The following MEGF11 variants were observed in gnomAD, a reference collection of about 807,000 sequenced individuals.
MEGF11 encodes multiple epidermal growth factor-like domains protein 11.
A neutral mutation model predicts 146.6 loss-of-function variants in MEGF11; 126 were observed. That is an observed-to-expected ratio of 0.86 (90% CI 0.74 to 1.00). MEGF11 has a LOEUF of 1.00. Among genes scored for constraint, MEGF11 ranks in the 50% least tolerant of loss-of-function variants. The probability of loss-of-function intolerance (pLI) is 0.00; values close to 1 mark genes in which losing one functional copy is unlikely to be tolerated. For missense variants in MEGF11, 1,509 were observed against 1,521.2 expected (o/e 0.99, Z 0.13); for synonymous variants, 532 against 583.4 (o/e 0.91, Z 1.27).
chr15:66,126,784 C>T (rs183940833), intron 2 of MEGF11, among the ~76,000 whole-genome samples: 156 of 152,332 alleles, frequency 1.0e-3, no homozygotes, highest in African/African-American at 3.6e-3. Flanking sequence ...CTTCCCGATA[C>T]CTCTCTGACC....
chr15:66,152,105 C>T (rs1214967675), intron 1 of MEGF11, among the ~76,000 whole-genome samples: 1 of 152,206 alleles, frequency 6.6e-6, no homozygotes, highest in African/African-American at 2.4e-5. Context: ...CACCACCTTG[C>T]CCACCTGCTC....
chr15:66,029,041 G>A (rs942206980), intron 5 of MEGF11, among the ~76,000 whole-genome samples: 1 of 152,170 alleles, frequency 6.6e-6, no homozygotes, highest in South Asian at 2.1e-4. Context: ...GGGGGTCTCC[G>A]AATCCATCCC....
At chr15:65,976,226 AGACTG>A (rs2081441635) in intron 7 of MEGF11, among the ~76,000 whole-genome samples, 1 of 151,968 alleles carries the variant, frequency 6.6e-6, no homozygotes, top group Admixed American at 6.6e-5. Context: ...TTTTTAGTAG[AGACTG>A]GGTTTCATCA....
rs530796964 is a variant in MEGF11, at chr15:65,896,290, C to T, written c.*1644G>A. ...ATTCATGTAAGTATTACATATTTTC[C>T]TCTAACAGTAAAATCTGCTTATGCC... On this transcript the variant is annotated 3_prime_UTR_variant, in exon 26 of 26. Transcript: ENST00000395614. 149 of 152,728 alleles carry T rather than the reference C, an allele frequency of 9.8e-4. No individual in the cohort carries two copies. The highest frequency in any genetic ancestry group is 3.4e-3 in the African/African-American group (143 of 41,558). 9.5% of individuals were successfully genotyped at this position (152,728 alleles called of 1,614,324 possible).
At chr15:66,140,661 G>C (rs1159200338) in intron 1 of MEGF11, among the ~76,000 whole-genome samples, 1 of 152,248 alleles carries the variant, frequency 6.6e-6, no homozygotes, top group African/African-American at 2.4e-5. Context: ...CCAGAAGCTT[G>C]CTAAGCCATG....
intron 1 of MEGF11, among the ~76,000 whole-genome samples, chr15:66,217,758 T>C (rs1567287721): frequency 6.6e-6 from 1 of 152,210 alleles, no homozygotes; most frequent in Non-Finnish European, 1.5e-5. Context: ...TTTGCCTCTG[T>C]CCACACAGCC....
At chr15:66,015,412 G>A (rs2082853419) in intron 5 of MEGF11, among the ~76,000 whole-genome samples, 1 of 152,176 alleles carries the variant, frequency 6.6e-6, no homozygotes, top group African/African-American at 2.4e-5. Flanking sequence ...CTTGTTGAAT[G>A]TTAATCATTC....
At chr15:66,163,577 C>T (rs2090012893) in intron 1 of MEGF11, among the ~76,000 whole-genome samples, 1 of 152,196 alleles carries the variant, frequency 6.6e-6, no homozygotes, top group Non-Finnish European at 1.5e-5. Context: ...CCATCCTGGG[C>T]ATGTCCCCTC....
intron 13 of MEGF11, among the ~76,000 whole-genome samples, chr15:65,927,176 C>T (rs78560199): frequency 0.064 from 9,727 of 152,304 alleles, 369 homozygotes; most frequent in Middle Eastern, 0.11. Flanking sequence ...TTTTACTGAG[C>T]ACTTACTATG....
intron 1 of MEGF11, among the ~76,000 whole-genome samples, chr15:66,157,552 G>A (rs574865799): frequency 2.2e-4 from 34 of 152,338 alleles, no homozygotes; most frequent in African/African-American, 7.5e-4. Context: ...CCCCACAGCA[G>A]CCCTGGGTCC....
At chr15:66,020,590 T>C (rs1380453826) in intron 5 of MEGF11, among the ~76,000 whole-genome samples, 1 of 152,168 alleles carries the variant, frequency 6.6e-6, no homozygotes, top group African/African-American at 2.4e-5. Flanking sequence ...GAAAGCTTTC[T>C]TCCTTCCCAG....
At chr15:65,967,976 C>T (rs2081166666) in intron 8 of MEGF11, among the ~76,000 whole-genome samples, 1 of 152,126 alleles carries the variant, frequency 6.6e-6, no homozygotes, top group African/African-American at 2.4e-5. Context: ...AGGAGGCTGC[C>T]ATGAGACAAG....
intron 17 of MEGF11, 156 bp downstream of exon 17, chr15:65,916,672 A>C: frequency 7.7e-7 from 1 of 1,304,576 alleles, no homozygotes; most frequent in Non-Finnish European, 1.1e-6. Flanking sequence ...CTGCCCCTGC[A>C]GAGCTCCTCA....
chr15:66,080,532 G>A (rs894192000), intron 5 of MEGF11, among the ~76,000 whole-genome samples: 6 of 152,122 alleles, frequency 3.9e-5, no homozygotes, highest in Admixed American at 2.6e-4. Context: ...GAAGATGGAG[G>A]CTATGCTCTC....
intron 7 of MEGF11, among the ~76,000 whole-genome samples, chr15:65,976,985 C>T (rs191056051): frequency 2.6e-5 from 4 of 152,052 alleles, no homozygotes; most frequent in South Asian, 2.1e-4. Context: ...CTGTCTAACA[C>T]GGTGAAACCC....
intron 4 of MEGF11, among the ~76,000 whole-genome samples, chr15:66,105,101 A>T (rs1319836844): frequency 6.6e-6 from 1 of 152,068 alleles, no homozygotes; most frequent in Non-Finnish European, 1.5e-5. Context: ...ATCTTGCCTC[A>T]GGAGTTTCCA....
chr15:66,176,934 C>A (rs144775122), intron 1 of MEGF11, among the ~76,000 whole-genome samples: 180 of 152,318 alleles, frequency 1.2e-3, no homozygotes, highest in Non-Finnish European at 2.1e-3. Context: ...AAGCTTCAAG[C>A]AATGACAAAG....
chr15:65,962,555 C>T (rs765050477), intron 9 of MEGF11, among the ~76,000 whole-genome samples: 12 of 152,182 alleles, frequency 7.9e-5, no homozygotes, highest in Non-Finnish European at 1.3e-4. Flanking sequence ...TGAACAAAAA[C>T]TTTGTGCCAG....
chr15:65,949,673 AT>A (rs1360145659), intron 10 of MEGF11, among the ~76,000 whole-genome samples: 1 of 152,210 alleles, frequency 6.6e-6, no homozygotes, highest in East Asian at 1.9e-4. Context: ...AGGGCCCCTT[AT>A]CTTCCAGACA....
Sources: gnomAD v4.1 joint callset for allele counts (sites outside exome capture counted in the v4.1 genomes callset) on GRCh38, gnomAD v4.1.1 for gene constraint, MANE v1.5 for transcripts, NCBI Gene and HGNC (gene_info 2026-07-23, HGNC 2026-07-21) for gene names.